Variants in TRIM38 observed in about 807,000 individuals in gnomAD.
TRIM38 encodes the protein E3 ubiquitin-protein ligase TRIM38.
Under a neutral mutation model 35.8 loss-of-function variants are expected in TRIM38, and 35 were observed. The ratio of observed to expected loss-of-function variants is 0.98; its 90% CI spans 0.75 to 1.30. The LOEUF is 1.30. Ranked by LOEUF, TRIM38 falls within the 50% of genes most tolerant of loss-of-function variation. The probability of loss-of-function intolerance (pLI) is 0.00; values close to 1 mark genes in which losing one functional copy is unlikely to be tolerated. For missense variants in TRIM38, 545 were observed against 556.9 expected (o/e 0.98, Z 0.21); for synonymous variants, 198 against 204.7 (o/e 0.97, Z 0.28).
rs1216591271 is a variant in TRIM38, at chr6:25,984,362, C to G, written c.*675C>G. The G allele has an allele frequency of 6.6e-6, 1 of 152,282 alleles. No homozygotes were observed. The highest frequency in any genetic ancestry group is 1.5e-5 in the Non-Finnish European group (1 of 68,030). The allele number at this position is 152,282 out of a possible 1,614,324, so 9.4% of individuals were successfully genotyped here. On this transcript the variant is annotated 3_prime_UTR_variant, in exon 8 of 8. Coordinates refer to ENST00000357085, the MANE Select transcript of TRIM38 (RefSeq NM_006355.5). Reference sequence around the variant, plus strand: ...TTTCCAGTCTGCTAGGACCAATTACCTTGAAATATTTTAAAATCTCAGTAA... The same window carrying G: ...TTTCCAGTCTGCTAGGACCAATTACGTTGAAATATTTTAAAATCTCAGTAA...
rs1486058451 is a variant in TRIM38 at position 25,989,215 on chromosome 6, G to C, written c.*5528G>C. 6 of 152,294 alleles carry C rather than the reference G, an allele frequency of 3.9e-5. No homozygotes were observed. Among genetic ancestry groups the C allele is most frequent in the African/African-American group, 1.4e-4 (6 of 41,570 alleles). The allele number at this position is 152,294 out of a possible 1,614,324, so 9.4% of individuals were successfully genotyped here. ...ATCTTCTTTGGTGAACAGATGTTCA[G>C]GTCATTGGCCTGCTTTAAATCAGGT... is the stretch of plus-strand genomic sequence containing the variant. On this transcript the variant is annotated 3_prime_UTR_variant, in exon 8 of 8. Coordinates refer to ENST00000357085, the MANE Select transcript of TRIM38 (RefSeq NM_006355.5).
rs997488762 is a variant in TRIM38, at chr6:25,972,021, G to A, written c.660G>A (p.Gly220=). 1 of 1,614,166 alleles carries A rather than the reference G, an allele frequency of 6.2e-7. No individual in the cohort carries two copies. The highest frequency in any genetic ancestry group is 8.5e-7 in the Non-Finnish European group (1 of 1,180,022). Residue 220 remains glycine, a synonymous_variant, in exon 5 of 8, where the codon GGG becomes GGA. Transcript: ENST00000357085. The stretch of plus-strand genomic sequence containing the variant: ...TGAGGGACTATGAGGCTGGTCTGGG[G>A]CTGAAGAGCAATGAACTCAAGAGCC... ...SRLRDYEAGL[G]LKSNELKSHI... is the part of the protein sequence containing the mutation.
intron 7 of TRIM38, among the ~76,000 whole-genome samples, chr6:25,978,978 ACAC>A: frequency 6.6e-6 from 1 of 152,138 alleles, no homozygotes; most frequent in Non-Finnish European, 1.5e-5. Flanking sequence ...TGATTATTGT[ACAC>A]ATTTTTGATG....
rs1467163369 is a variant in TRIM38, at chr6:25,989,352, A to G, written c.*5665A>G. 2.0e-5 allele frequency: 3 copies of G among 152,124 alleles called. No homozygotes were observed. The highest frequency in any genetic ancestry group is 4.4e-5 in the Non-Finnish European group (3 of 68,016). The allele number at this position is 152,124 out of a possible 1,614,324, so 9.4% of individuals were successfully genotyped here. On this transcript the variant is annotated 3_prime_UTR_variant, in exon 8 of 8. Transcript: ENST00000357085. Reference sequence around the variant, plus strand: ...TGCCAATGTGTGGCTTTTCTTCAACACTTCTTTGTAAATTTGCAAGTCCTT... The same window carrying G: ...TGCCAATGTGTGGCTTTTCTTCAACGCTTCTTTGTAAATTTGCAAGTCCTT...
chr6:25,975,930 G>T (rs1163697751), intron 7 of TRIM38, among the ~76,000 whole-genome samples: 1 of 152,056 alleles, frequency 6.6e-6, no homozygotes, highest in Non-Finnish European at 1.5e-5. Context: ...CCCCAAACTG[G>T]GATTGCCGAG....
At position 25,973,216 on chromosome 6, in the gene TRIM38, G is replaced by A. The variant is rs765047550; in HGVS notation, c.805G>A (p.Glu269Lys). Reference protein sequence around the residue: ...KLETSEAVSLELHTMCNVSKL... With the variant: ...KLETSEAVSLKLHTMCNVSKL... ...GGAAACATCAGAGGCTGTCTCCTTGGAACTTCATACTATGTGCAATGTTTC... is the reference window on the plus strand; with the variant it reads ...GGAAACATCAGAGGCTGTCTCCTTGAAACTTCATACTATGTGCAATGTTTC... The change falls in exon 7 of 8, where the codon GAA becomes AAA. Residue 269 changes from glutamate (E) to lysine (K), a missense_variant. Glu to Lys is a moderately conservative substitution (Grantham distance 56). Transcript: ENST00000357085. The A allele has an allele frequency of 1.2e-6, 2 of 1,614,142 alleles. No homozygotes were observed. The highest frequency in any genetic ancestry group is 3.3e-5 in the Admixed American group (2 of 60,014).
At chr6:25,967,372 G>T (rs1272708918) in intron 3 of TRIM38, among the ~76,000 whole-genome samples, 2 of 152,052 alleles carry the variant, frequency 1.3e-5, no homozygotes, top group Admixed American at 6.6e-5. Flanking sequence ...GAGGTCCCTG[G>T]TTTTGGTGGT....
rs1432839873 is a variant in TRIM38, at chr6:25,990,799, T to G, written c.*7112T>G. 1 of 151,976 alleles carries G rather than the reference T, an allele frequency of 6.6e-6. No individual in the cohort carries two copies. The highest frequency in any genetic ancestry group is 1.5e-5 in the Non-Finnish European group (1 of 67,974). The allele number at this position is 151,976 out of a possible 1,614,324, so 9.4% of individuals were successfully genotyped here. A position where few individuals can be genotyped will look rare whatever the true frequency, so the allele number is the denominator to read the frequency against. On this transcript the variant is annotated 3_prime_UTR_variant, in exon 8 of 8. Transcript: ENST00000357085. ...AACTCCTAATGTCTATATAAAAGAT[T>G]TTTATATTTTTTAATTCTTAAAATT...
Position 25,989,831 on chromosome 6 carries a change from A to G in TRIM38, c.*6144A>G, listed in dbSNP as rs1305864662. On this transcript the variant is annotated 3_prime_UTR_variant, in exon 8 of 8. Transcript: ENST00000357085. ...AAATAAAAATTTAAGACATTTTATA[A>G]CTGGCCAAATTTACTAGCTTAGATA... The G allele has an allele frequency of 2.6e-5, 4 of 152,020 alleles. No individual in the cohort carries two copies. The highest frequency in any genetic ancestry group is 5.9e-5 in the Non-Finnish European group (4 of 67,998). 9.4% of individuals were successfully genotyped at this position (152,020 alleles called of 1,614,324 possible).
At chr6:25,964,596 T>C (rs1759958480) in intron 2 of TRIM38, among the ~76,000 whole-genome samples, 1 of 152,156 alleles carries the variant, frequency 6.6e-6, no homozygotes, top group South Asian at 2.1e-4. Context: ...AAACAATTGT[T>C]CTTCTTGTCT....
chr6:25,975,135 G>C (rs528104277), intron 7 of TRIM38: 270 of 973,370 alleles, frequency 2.8e-4, no homozygotes, highest in Middle Eastern at 5.3e-4. Flanking sequence ...CGGGTCAAGT[G>C]AAACTATTTC....
chr6:25,973,493 A>T lies in TRIM38; in HGVS notation c.874+208A>T, dbSNP rs140750807. ...TTCTGGTTATCTGTGCAAACCTTTC[A>T]AATTCTTATTCTTTCACTTATTAGC... On this transcript the variant is annotated intron_variant, in intron 7 of 7. Coordinates refer to ENST00000357085, the MANE Select transcript of TRIM38 (RefSeq NM_006355.5). 4.0e-4 allele frequency: 398 copies of T among 985,310 alleles called. 2 individuals carry two copies. The East Asian group carries it at 0.016, about 40-fold the overall frequency. 61.0% of individuals were successfully genotyped at this position (985,310 alleles called of 1,614,324 possible).
At chr6:25,964,016 T>C (rs1225725919) in intron 2 of TRIM38, among the ~76,000 whole-genome samples, 2 of 152,068 alleles carry the variant, frequency 1.3e-5, no homozygotes, top group African/African-American at 2.4e-5. Context: ...TGGAGTCAAA[T>C]TTTATTGTCA....
In TRIM38 at chr6:25,989,860, T is replaced by C. The variant is rs933553292; in HGVS notation, c.*6173T>C. 13 of 152,188 alleles carry C rather than the reference T, an allele frequency of 8.5e-5. No individual in the cohort carries two copies. Among genetic ancestry groups the C allele is most frequent in the Non-Finnish European group, 1.0e-4 (7 of 68,032 alleles). The allele number at this position is 152,188 out of a possible 1,614,324, so 9.4% of individuals were successfully genotyped here. A position where few individuals can be genotyped will look rare whatever the true frequency, so the allele number is the denominator to read the frequency against. On this transcript the variant is annotated 3_prime_UTR_variant, in exon 8 of 8. Transcript: ENST00000357085. Reference sequence around the variant, plus strand: ...GCCAAATTTACTAGCTTAGATACTATTAGATAGTCAATATTTTTTGTTGGA... The same window carrying C: ...GCCAAATTTACTAGCTTAGATACTACTAGATAGTCAATATTTTTTGTTGGA...
chr6:25,964,319 T>C (rs1002142553), intron 2 of TRIM38, among the ~76,000 whole-genome samples: 9 of 152,214 alleles, frequency 5.9e-5, no homozygotes, highest in African/African-American at 2.2e-4. Context: ...TATACATGTA[T>C]ACATATTTAT....
chr6:25,990,167 AT>A lies in TRIM38; in HGVS notation c.*6483del. 1 of 151,962 alleles carries A rather than the reference AT, an allele frequency of 6.6e-6. No homozygotes were observed. Among genetic ancestry groups the A allele is most frequent in the East Asian group, 2.0e-4 (1 of 5,116 alleles). The allele number at this position is 151,962 out of a possible 1,614,324, so 9.4% of individuals were successfully genotyped here. A position where few individuals can be genotyped will look rare whatever the true frequency, so the allele number is the denominator to read the frequency against. Reference sequence around the variant, plus strand: ...TTGTTGTTTTGTTCTGCTACAGGATATTTGCAATTGCCATTTATCATGAAAT... The same window carrying A: ...TTGTTGTTTTGTTCTGCTACAGGATATTGCAATTGCCATTTATCATGAAAT... On this transcript the variant is annotated 3_prime_UTR_variant, in exon 8 of 8. Coordinates refer to ENST00000357085, the MANE Select transcript of TRIM38 (RefSeq NM_006355.5).
In TRIM38 at chr6:25,966,204, T is replaced by G. The variant is rs183876131; in HGVS notation, c.-188-131T>G. The G allele has an allele frequency of 3.9e-5, 10 of 256,144 alleles. No homozygotes were observed. The East Asian group carries it at 7.5e-4, about 19-fold the overall frequency. 15.9% of individuals were successfully genotyped at this position (256,144 alleles called of 1,614,324 possible). ...TTGGCAAACAACTTTAAAACTGCTTTAAAACTGCTTTTTTTCCTCTAAACA... is the reference window on the plus strand; with the variant it reads ...TTGGCAAACAACTTTAAAACTGCTTGAAAACTGCTTTTTTTCCTCTAAACA... On this transcript the variant is annotated intron_variant, in intron 2 of 7. Coordinates refer to ENST00000357085, the MANE Select transcript of TRIM38 (RefSeq NM_006355.5).
Position 25,971,983 on chromosome 6 carries a change from ACT to A in TRIM38, c.625_626del (p.Leu209GlufsTer2). ...LWRLEKEEQQ[T>X]LSRLRDYEAG... ...GAGGCTGGAGAAAGAAGAACAACAG[ACT>A]CTGAGTAGACTGAGGGACTATGAGG... On this transcript the variant is annotated frameshift_variant, in exon 5 of 8. Transcript: ENST00000357085. LOFTEE classifies it high-confidence loss of function. The A allele has an allele frequency of 1.2e-6, 2 of 1,614,080 alleles. No homozygotes were observed. Among genetic ancestry groups the A allele is most frequent in the Non-Finnish European group, 1.7e-6 (2 of 1,179,992 alleles).
rs944070168 is a variant in TRIM38 at position 25,985,723 on chromosome 6, A to G, written c.*2036A>G. 14 of 152,200 alleles carry G rather than the reference A, an allele frequency of 9.2e-5. No individual in the cohort carries two copies. Among genetic ancestry groups the G allele is most frequent in the Admixed American group, 6.5e-4 (10 of 15,286 alleles). The allele number at this position is 152,200 out of a possible 1,614,324, so 9.4% of individuals were successfully genotyped here. On this transcript the variant is annotated 3_prime_UTR_variant, in exon 8 of 8. Coordinates refer to ENST00000357085, the MANE Select transcript of TRIM38 (RefSeq NM_006355.5). The stretch of plus-strand genomic sequence containing the variant: ...CAGGATCAGTGAAGATGTAATCTGG[A>G]TATTCATAAGCTCTTCTCTACCTCT...
Sources: allele counts gnomAD v4.1 joint callset (sites outside exome capture counted in the v4.1 genomes callset), GRCh38; gene constraint gnomAD v4.1.1; transcripts MANE v1.5; gene names NCBI Gene and HGNC (gene_info 2026-07-23, HGNC 2026-07-21).